Variants in MED12L observed in about 807,000 individuals in gnomAD.
MED12L encodes the protein mediator complex subunit 12L.
Under a neutral mutation model 281.3 loss-of-function variants are expected in MED12L, and 60 were observed. That is an observed-to-expected ratio of 0.21 (90% confidence interval 0.17 to 0.26). The LOEUF (loss-of-function observed/expected upper bound fraction) is 0.26. Among genes scored for constraint, MED12L ranks in the 10% least tolerant of loss-of-function variants. The pLI is 1.00. For missense variants in MED12L, 2,146 were observed against 2,680.9 expected (o/e 0.80, Z 4.41); for synonymous variants, 974 against 987.2 (o/e 0.99, Z 0.25).
intron 40 of MED12L, among the ~76,000 whole-genome samples, chr3:151,410,676 A>C (rs1425500685): frequency 6.6e-6 from 1 of 152,240 alleles, no homozygotes; most frequent in African/African-American, 2.4e-5. Context: ...GTAGAGTGCC[A>C]AACTAGGTCC....
In MED12L at chr3:151,385,058, G is replaced by A; in HGVS notation, c.4955G>A (p.Ser1652Asn). 6.3e-7 allele frequency: 1 copy of A among 1,598,248 alleles called. No homozygotes were observed. The highest frequency in any genetic ancestry group is 8.6e-7 in the Non-Finnish European group (1 of 1,166,530). ...GAGCTAGGAGACAAGCGATCAGAAA[G>A]TATTGACAAAGTTCGACAGTTACTA... ...KKELGDKRSE[S>N]IDKVRQLLPL... Residue 1652 changes from serine (S) to asparagine (N), a missense_variant, in exon 36 of 45, where the codon AGT becomes AAT. Ser to Asn is a conservative substitution (Grantham distance 46). This residue lies in a region of MED12L where 212 missense variants were observed against 340.8 expected (regional missense o/e 0.62). Coordinates refer to ENST00000687756, the MANE Select transcript of MED12L (RefSeq NM_001393769.1).
chr3:151,134,080 T>G (rs1430316283), intron 5 of MED12L, among the ~76,000 whole-genome samples: 1 of 152,196 alleles, frequency 6.6e-6, no homozygotes, highest in Non-Finnish European at 1.5e-5. Flanking sequence ...CGGTGCTAAC[T>G]GCATTTCAAG....
At chr3:151,369,579 G>A in intron 26 of MED12L, 30 bp downstream of exon 26, 1 of 1,412,736 alleles carries the variant, frequency 7.1e-7, no homozygotes. Flanking sequence ...AAGCTTCTTG[G>A]TTAATCACCA....
intron 16 of MED12L, among the ~76,000 whole-genome samples, chr3:151,263,436 TATC>T (rs960544329): frequency 1.3e-5 from 2 of 152,214 alleles, no homozygotes; most frequent in African/African-American, 4.8e-5. Flanking sequence ...CTGACAGAAT[TATC>T]ATAAGTCACT....
At chr3:151,316,076 C>T (rs1030387160) in intron 16 of MED12L, among the ~76,000 whole-genome samples, 1 of 152,158 alleles carries the variant, frequency 6.6e-6, no homozygotes, top group Non-Finnish European at 1.5e-5. Context: ...CCTTTCCTGA[C>T]ATGTTTTAAC....
intron 24 of MED12L, 78 bp downstream of exon 24, chr3:151,367,844 G>GA: frequency 6.7e-7 from 1 of 1,490,492 alleles, no homozygotes; most frequent in South Asian, 1.3e-5. Flanking sequence ...ACAACACAGG[G>GA]AAAGGAGTAT....
chr3:151,327,850 T>G, intron 16 of MED12L: 1 of 613,680 alleles, frequency 1.6e-6, no homozygotes, highest in Non-Finnish European at 2.7e-6. Flanking sequence ...GGATTTAAAT[T>G]TTATATAATC....
chr3:151,377,472 T>G (rs769389781), intron 30 of MED12L, among the ~76,000 whole-genome samples: 10 of 152,196 alleles, frequency 6.6e-5, no homozygotes, highest in Non-Finnish European at 1.0e-4. Flanking sequence ...TGGGAAACGC[T>G]TTTTCCACCA....
At chr3:151,097,842 C>G (rs1014857894) in intron 2 of MED12L, among the ~76,000 whole-genome samples, 1 of 152,180 alleles carries the variant, frequency 6.6e-6, no homozygotes, top group Non-Finnish European at 1.5e-5. Flanking sequence ...AAACTGTCGT[C>G]TAGAGGGAGT....
chr3:151,404,669 CA>C (rs1381991632), intron 39 of MED12L, among the ~76,000 whole-genome samples: 3 of 152,194 alleles, frequency 2.0e-5, no homozygotes, highest in African/African-American at 7.2e-5. Context: ...TTTTCCAAAT[CA>C]GTATTTCCAG....
At chr3:151,306,427 C>T (rs560142083) in intron 16 of MED12L, among the ~76,000 whole-genome samples, 2 of 152,218 alleles carry the variant, frequency 1.3e-5, no homozygotes, top group South Asian at 2.1e-4. Context: ...AAACTGCTTT[C>T]GGTGGGGAAA....
chr3:151,426,187 T>C (rs528453063), intron 43 of MED12L, among the ~76,000 whole-genome samples: 110 of 152,332 alleles, frequency 7.2e-4, no homozygotes, highest in Non-Finnish European at 1.2e-3. Context: ...AATGAACCAC[T>C]TGGGGGAGCC....
intron 39 of MED12L, among the ~76,000 whole-genome samples, chr3:151,401,185 T>C (rs1004651105): frequency 6.6e-6 from 1 of 152,228 alleles, no homozygotes; most frequent in Non-Finnish European, 1.5e-5. Context: ...GTTATATTCA[T>C]TCATTTATCC....
chr3:151,182,249 G>A (rs1722789911), intron 11 of MED12L, among the ~76,000 whole-genome samples: 1 of 151,874 alleles, frequency 6.6e-6, no homozygotes, highest in African/African-American at 2.4e-5. Context: ...ACTGCTGTTG[G>A]ATGTATGCCA....
At chr3:151,204,277 T>C (rs1726062088) in intron 16 of MED12L, among the ~76,000 whole-genome samples, 1 of 152,126 alleles carries the variant, frequency 6.6e-6, no homozygotes, top group East Asian at 1.9e-4. Flanking sequence ...AATTAATCTC[T>C]TGGTATTAGT....
chr3:151,208,430 C>T (rs1726663002), intron 16 of MED12L, among the ~76,000 whole-genome samples: 1 of 152,208 alleles, frequency 6.6e-6, no homozygotes, highest in Non-Finnish European at 1.5e-5. Context: ...CGCCTGTCAT[C>T]TCAGCACTTT....
chr3:151,223,113 CAT>C (rs1263682681), intron 16 of MED12L, among the ~76,000 whole-genome samples: 1 of 146,338 alleles, frequency 6.8e-6, no homozygotes, highest in Admixed American at 7.0e-5. Flanking sequence ...CAGTATGGAA[CAT>C]GTGCTGGTTG....
chr3:151,139,421 C>T (rs189788716), intron 5 of MED12L, among the ~76,000 whole-genome samples: 2 of 152,262 alleles, frequency 1.3e-5, no homozygotes, highest in Admixed American at 1.3e-4. Flanking sequence ...TAAGGAGATG[C>T]ATGTGTGTGG....
At chr3:151,327,842 A>G (rs967772845) in intron 16 of MED12L, 2 of 580,902 alleles carry the variant, frequency 3.4e-6, no homozygotes, top group African/African-American at 1.9e-5. Flanking sequence ...ATCTATGTGG[A>G]TTTAAATTTT....
Sources: gnomAD v4.1 joint callset for allele counts (sites outside exome capture counted in the v4.1 genomes callset) on GRCh38, gnomAD v4.1.1 for gene constraint, gnomAD v4.1.1 regional missense constraint, MANE v1.5 for transcripts, NCBI Gene and HGNC (gene_info 2026-07-23, HGNC 2026-07-21) for gene names.